The following DDAH1 variants were observed in gnomAD, a reference collection of about 807,000 sequenced individuals.
The protein encoded by DDAH1 is dimethylarginine dimethylaminohydrolase 1, also known as N(G),N(G)-dimethylarginine dimethylaminohydrolase 1.
A neutral mutation model predicts 28.8 loss-of-function variants in DDAH1; 19 were observed. The observed-to-expected ratio is 0.66, with a 90% CI of 0.46 to 0.97. The LOEUF (loss-of-function observed/expected upper bound fraction) is 0.97, where lower values mean the gene tolerates loss of function less well. Ranked by LOEUF, DDAH1 falls within the 50% of genes least tolerant of loss-of-function variation. The probability of loss-of-function intolerance (pLI) is 0.00; values close to 1 mark genes in which losing one functional copy is unlikely to be tolerated. For missense variants in DDAH1, 326 were observed against 375.9 expected (o/e 0.87, Z 1.10); for synonymous variants, 153 against 154.4 (o/e 0.99, Z 0.07).
At chr1:85,475,019 T>C (rs758729601) in intron 2 of DDAH1, among the ~76,000 whole-genome samples, 3 of 152,130 alleles carry the variant, frequency 2.0e-5, no homozygotes, top group Non-Finnish European at 2.9e-5. Flanking sequence ...TACATAGTTA[T>C]TATGAGGACT....
At chr1:85,384,944 TAACTC>T (rs1461817093) in intron 1 of DDAH1, among the ~76,000 whole-genome samples, 5 of 152,226 alleles carry the variant, frequency 3.3e-5, no homozygotes, top group African/African-American at 1.2e-4. Context: ...GATACAACCT[TAACTC>T]TAATGGAACT....
At chr1:85,559,499 G>A (rs1183031227) in intron 1 of DDAH1, among the ~76,000 whole-genome samples, 3 of 151,562 alleles carry the variant, frequency 2.0e-5, no homozygotes, top group Non-Finnish European at 2.9e-5. Flanking sequence ...ATCCAAAAGA[G>A]GAAAAAAATC....
chr1:85,561,212 G>A (rs191746439), intron 1 of DDAH1, among the ~76,000 whole-genome samples: 4 of 152,146 alleles, frequency 2.6e-5, no homozygotes, highest in Admixed American at 1.3e-4. Context: ...AGGGAAAATA[G>A]TGCCTACCTC....
intron 1 of DDAH1, among the ~76,000 whole-genome samples, chr1:85,558,822 C>T (rs1193830346): frequency 6.6e-6 from 1 of 152,102 alleles, no homozygotes; most frequent in Non-Finnish European, 1.5e-5. Context: ...AAAATGGGAT[C>T]TTGATGTACA....
intron 1 of DDAH1, among the ~76,000 whole-genome samples, chr1:85,456,159 C>T (rs1654871744): frequency 6.6e-6 from 1 of 152,160 alleles, no homozygotes; most frequent in African/African-American, 2.4e-5. Flanking sequence ...ACCAGTGTCT[C>T]CTGCCCCCAG....
At position 85,350,400 on chromosome 1, in the gene DDAH1, C is replaced by T. The variant is rs1399227013; in HGVS notation, c.597+15G>A. 1 of 1,609,606 alleles carries T rather than the reference C, an allele frequency of 6.2e-7. No homozygotes were observed. Among genetic ancestry groups the T allele is most frequent in the African/African-American group, 1.3e-5 (1 of 74,648 alleles). Reference sequence around the variant, plus strand: ...ACCCCCACTACATTTAGAAGGAGCACAGTTTTGTATTTACCTTAAGGGCCT... The same window carrying T: ...ACCCCCACTACATTTAGAAGGAGCATAGTTTTGTATTTACCTTAAGGGCCT... On this transcript the variant is annotated intron_variant, in intron 4 of 5. Coordinates refer to ENST00000284031, the MANE Select transcript of DDAH1 (RefSeq NM_012137.4).
At chr1:85,545,276 C>G (rs1570662845) in intron 1 of DDAH1, among the ~76,000 whole-genome samples, 1 of 152,160 alleles carries the variant, frequency 6.6e-6, no homozygotes, top group African/African-American at 2.4e-5. Context: ...CAACATTCTT[C>G]TCCTTTAATA....
At chr1:85,432,520 A>G (rs1417891820) in intron 1 of DDAH1, among the ~76,000 whole-genome samples, 1 of 152,190 alleles carries the variant, frequency 6.6e-6, no homozygotes, top group Non-Finnish European at 1.5e-5. Flanking sequence ...TGGAATGGTC[A>G]GCTTTTTTCA....
In DDAH1 at chr1:85,382,022, T is replaced by C. The variant is rs114722146; in HGVS notation, c.304-23175A>G. On this transcript the variant is annotated intron_variant, in intron 1 of 5. Transcript: ENST00000284031. The stretch of plus-strand genomic sequence containing the variant: ...AATATCCTACCATGGCCTCCAAGTG[T>C]TCAAGTGAAAGGAGGAATTGTACAT... 2.3e-3 allele frequency among the ~76,000 whole-genome samples: 347 copies of C among 152,300 alleles called. 3 individuals are homozygous for C. Among genetic ancestry groups the C allele is most frequent in the Non-Finnish European group, 3.4e-3 (232 of 68,032 alleles).
chr1:85,573,549 A>G (rs1208892040), intron 1 of DDAH1, among the ~76,000 whole-genome samples: 1 of 152,180 alleles, frequency 6.6e-6, no homozygotes, highest in Non-Finnish European at 1.5e-5. Flanking sequence ...AAGGTAAGGG[A>G]GTTAGGAATG....
chr1:85,436,360 T>C (rs902717437), intron 1 of DDAH1, among the ~76,000 whole-genome samples: 2 of 152,200 alleles, frequency 1.3e-5, no homozygotes, highest in African/African-American at 4.8e-5. Context: ...ATTTTAAAGC[T>C]ACATGTGAAT....
intron 1 of DDAH1, among the ~76,000 whole-genome samples, chr1:85,404,087 A>C (rs1570494627): frequency 6.6e-6 from 1 of 152,302 alleles, no homozygotes; most frequent in African/African-American, 2.4e-5. Flanking sequence ...GTTTTTAACA[A>C]GTTTCTAAAA....
intron 2 of DDAH1, among the ~76,000 whole-genome samples, chr1:85,474,351 A>T (rs1413080010): frequency 6.6e-6 from 1 of 152,192 alleles, no homozygotes; most frequent in Non-Finnish European, 1.5e-5. Flanking sequence ...CTCAGAATGA[A>T]GTCCACATGT....
intron 1 of DDAH1, among the ~76,000 whole-genome samples, chr1:85,406,153 G>A (rs1338229066): frequency 6.6e-6 from 1 of 152,168 alleles, no homozygotes; most frequent in East Asian, 1.9e-4. Context: ...AGGCCACACT[G>A]TCTAGAACAT....
chr1:85,393,163 ACT>A (rs2100559213), intron 1 of DDAH1, among the ~76,000 whole-genome samples: 3 of 152,310 alleles, frequency 2.0e-5, no homozygotes, highest in African/African-American at 7.2e-5. Context: ...AACATCAACA[ACT>A]AATACTTATA....
chr1:85,439,720 C>G (rs1229088183), intron 1 of DDAH1, among the ~76,000 whole-genome samples: 2 of 152,154 alleles, frequency 1.3e-5, no homozygotes, highest in Non-Finnish European at 2.9e-5. Context: ...GACCCAGGCA[C>G]AATCAGCTGG....
intron 1 of DDAH1, among the ~76,000 whole-genome samples, chr1:85,455,747 G>C (rs1425106753): frequency 1.3e-5 from 2 of 152,134 alleles, no homozygotes; most frequent in Non-Finnish European, 2.9e-5. Flanking sequence ...TGTGGGTCTA[G>C]GATCTTACAC....
At chr1:85,568,961 T>C (rs1260652390) in intron 1 of DDAH1, among the ~76,000 whole-genome samples, 1 of 152,206 alleles carries the variant, frequency 6.6e-6, no homozygotes, top group African/African-American at 2.4e-5. Flanking sequence ...CTCTAGACTG[T>C]GTCATCCTCA....
intron 2 of DDAH1, among the ~76,000 whole-genome samples, chr1:85,353,300 T>C (rs1649324223): frequency 6.6e-6 from 1 of 152,206 alleles, no homozygotes; most frequent in South Asian, 2.1e-4. Context: ...GTGGAAAAGA[T>C]ATTCAAAGAG....
Sources: allele counts gnomAD v4.1 joint callset (sites outside exome capture counted in the v4.1 genomes callset), GRCh38; gene constraint gnomAD v4.1.1; transcripts MANE v1.5; gene names NCBI Gene and HGNC (gene_info 2026-07-23, HGNC 2026-07-21).